SRGAP3: variants seen among roughly 807,000 people sequenced by gnomAD.
SRGAP3 encodes SLIT-ROBO Rho GTPase-activating protein 3.
Under a neutral mutation model 121.1 loss-of-function variants are expected in SRGAP3, and 39 were observed. The ratio of observed to expected loss-of-function variants is 0.32; its 90% CI spans 0.25 to 0.42. The LOEUF is 0.42. Ranked by LOEUF, SRGAP3 falls within the 10% of genes least tolerant of loss-of-function variation. SRGAP3 has a pLI of 1.00. For synonymous variants in SRGAP3, 601 were observed against 570.0 expected (o/e 1.05, Z -0.77); for missense variants, 1,213 against 1,470.6 (o/e 0.82, Z 2.86).
intron 3 of SRGAP3, among the ~76,000 whole-genome samples, chr3:9,285,067 T>A (rs1349457463): frequency 6.6e-6 from 1 of 152,028 alleles, no homozygotes. Context: ...TCAGTGAAAA[T>A]CTAGGAACAG....
At chr3:9,251,620 C>G (rs1188229055), upstream of SRGAP3, among the ~76,000 whole-genome samples, 2 of 152,162 alleles carry the variant, frequency 1.3e-5, no homozygotes, top group Non-Finnish European at 2.9e-5. Context: ...GTGGCAGGAA[C>G]TCAGTAAATG....
chr3:9,123,871 G>T (rs911273472), intron 2 of SRGAP3, among the ~76,000 whole-genome samples: 6 of 151,348 alleles, frequency 4.0e-5, no homozygotes, highest in Admixed American at 1.3e-4. Flanking sequence ...AAAGCAAGTC[G>T]CTGATCTCCT....
intron 1 of SRGAP3, among the ~76,000 whole-genome samples, chr3:9,351,910 A>G (rs1453195169): frequency 6.6e-6 from 1 of 152,214 alleles, no homozygotes; most frequent in East Asian, 1.9e-4. Flanking sequence ...TCGTGTCCTT[A>G]GAGAATGCTG....
At chr3:9,154,781 GA>G (rs754720922) in intron 1 of SRGAP3, among the ~76,000 whole-genome samples, 4 of 151,336 alleles carry the variant, frequency 2.6e-5, no homozygotes, top group Non-Finnish European at 5.9e-5. Context: ...GGATTATCTT[GA>G]AAAAACCAGT....
At chr3:9,225,001 T>C (rs1052725250) in intron 1 of SRGAP3, among the ~76,000 whole-genome samples, 2 of 152,162 alleles carry the variant, frequency 1.3e-5, no homozygotes, top group South Asian at 2.1e-4. Context: ...CCTCAACTCG[T>C]AGCAGCCAAC....
intron 1 of SRGAP3, among the ~76,000 whole-genome samples, chr3:9,196,222 A>G (rs955244911): frequency 6.6e-6 from 1 of 152,224 alleles, no homozygotes; most frequent in African/African-American, 2.4e-5. Context: ...GGGTTTTCCT[A>G]GAGACAAGCC....
chr3:9,191,485 T>C (rs555254155), intron 1 of SRGAP3, among the ~76,000 whole-genome samples: 11 of 152,158 alleles, frequency 7.2e-5, no homozygotes, highest in Non-Finnish European at 1.0e-4. Context: ...ACAGTGCCTA[T>C]GTACATGGGA....
intron 2 of SRGAP3, among the ~76,000 whole-genome samples, chr3:9,122,727 G>A (rs1216991618): frequency 2.8e-5 from 4 of 143,388 alleles, no homozygotes; most frequent in African/African-American, 2.6e-5. Flanking sequence ...AAAAAAAAAA[G>A]GGAGAAGATA....
chr3:9,044,019 T>C (rs1351372833), intron 10 of SRGAP3, among the ~76,000 whole-genome samples: 2 of 152,222 alleles, frequency 1.3e-5, no homozygotes, highest in African/African-American at 4.8e-5. Flanking sequence ...AGCCAAGGTA[T>C]GTGCTCTTGC....
intron 19 of SRGAP3, chr3:8,994,008 G>C: frequency 2.6e-6 from 1 of 385,878 alleles, no homozygotes; most frequent in Admixed American, 3.7e-5. Context: ...CGTAGGCAGG[G>C]GAGGCCTAGG....
chr3:9,234,749 G>A (rs185829392), intron 1 of SRGAP3, among the ~76,000 whole-genome samples: 6 of 152,220 alleles, frequency 3.9e-5, no homozygotes, highest in Admixed American at 3.9e-4. Flanking sequence ...CAAGCAATCC[G>A]GAATCCAAAA....
At chr3:9,228,889 C>T (rs1030321918) in intron 1 of SRGAP3, among the ~76,000 whole-genome samples, 31 of 151,386 alleles carry the variant, frequency 2.0e-4, no homozygotes, top group South Asian at 6.3e-4. Flanking sequence ...GGTGAAACCC[C>T]GTCTCTACTA....
intron 19 of SRGAP3, among the ~76,000 whole-genome samples, chr3:8,993,706 A>G (rs572920577): frequency 1.3e-5 from 2 of 152,080 alleles, no homozygotes; most frequent in East Asian, 1.9e-4. Context: ...TCCCATCACA[A>G]TGTGGGCTGT....
chr3:9,128,714 G>A (rs1261461175), intron 1 of SRGAP3, among the ~76,000 whole-genome samples: 17 of 152,168 alleles, frequency 1.1e-4, no homozygotes, highest in Admixed American at 1.1e-3. Context: ...GAATAGAATG[G>A]ATTTTTTGAA....
intron 2 of SRGAP3, among the ~76,000 whole-genome samples, chr3:9,122,796 A>C (rs1030180414): frequency 1.3e-5 from 2 of 152,150 alleles, no homozygotes; most frequent in Non-Finnish European, 2.9e-5. Context: ...CTTATCCCCA[A>C]ATGCCAAGAG....
intron 9 of SRGAP3, among the ~76,000 whole-genome samples, chr3:9,052,401 A>C (rs1353627143): frequency 2.0e-5 from 3 of 152,212 alleles, no homozygotes; most frequent in Non-Finnish European, 2.9e-5. Flanking sequence ...GCAATCAGGC[A>C]GAGTCAGGAT....
At chr3:9,340,612 T>C (rs1156248332) in intron 1 of SRGAP3, among the ~76,000 whole-genome samples, 3 of 152,222 alleles carry the variant, frequency 2.0e-5, no homozygotes, top group Non-Finnish European at 4.4e-5. Flanking sequence ...CTGATAGACC[T>C]GAGTCATCCC....
intron 3 of SRGAP3, among the ~76,000 whole-genome samples, chr3:9,261,245 A>C (rs1954250021): frequency 6.6e-6 from 1 of 152,138 alleles, no homozygotes; most frequent in Admixed American, 6.5e-5. Context: ...ATGAGGAAAA[A>C]CCGAAGCAAA....
intron 2 of SRGAP3, among the ~76,000 whole-genome samples, chr3:9,116,033 G>T (rs1267149921): frequency 6.6e-6 from 1 of 152,184 alleles, no homozygotes; most frequent in East Asian, 1.9e-4. Flanking sequence ...AAAGAGAATT[G>T]AGAAGATAAT....
Sources: gnomAD v4.1 joint callset for allele counts (sites outside exome capture counted in the v4.1 genomes callset) on GRCh38, gnomAD v4.1.1 for gene constraint, MANE v1.5 for transcripts, NCBI Gene and HGNC (gene_info 2026-07-23, HGNC 2026-07-21) for gene names.